Variants in THOP1 observed in about 807,000 individuals in gnomAD.
THOP1 encodes thimet oligopeptidase.
THOP1 carries 49 observed loss-of-function variants against 71.8 expected under a neutral mutation model. The observed-to-expected ratio is 0.68, with a 90% CI of 0.54 to 0.87. The LOEUF is 0.87. THOP1 is among the 40% of genes least tolerant of loss of function. The pLI is 0.00. For synonymous variants in THOP1, 426 were observed against 421.5 expected (o/e 1.01, Z -0.13); for missense variants, 843 against 975.6 (o/e 0.86, Z 1.81).
chr19:2,807,077 G>A (rs1195910000), intron 7 of THOP1, 25 bp downstream of exon 7: 1 of 1,597,230 alleles, frequency 6.3e-7, no homozygotes, highest in Admixed American at 1.8e-5. Context: ...CTCCTCCACT[G>A]GGGTCCCTGT....
chr19:2,809,058 G>A (rs146221142), intron 9 of THOP1, among the ~76,000 whole-genome samples: 6 of 152,314 alleles, frequency 3.9e-5, no homozygotes, highest in Admixed American at 6.5e-5. Flanking sequence ...GTCAGCAATC[G>A]CTCCTCAGAA....
intron 12 of THOP1, 177 bp downstream of exon 12, chr19:2,811,911 G>A: frequency 2.9e-6 from 4 of 1,363,126 alleles, no homozygotes; most frequent in Non-Finnish European, 3.9e-6. Flanking sequence ...AGCAGGGTGG[G>A]GCCGAGAAAA....
At chr19:2,807,376 C>T in intron 7 of THOP1, 66 bp from the exon 8 acceptor site, 11 of 1,489,866 alleles carry the variant, frequency 7.4e-6, no homozygotes, top group South Asian at 1.4e-5. Context: ...CGGCCGCGGG[C>T]GGGCGAGCCC....
intron 1 of THOP1, 41 bp from the exon 2 acceptor site, chr19:2,790,380 G>A (rs369250913): frequency 1.1e-5 from 17 of 1,485,818 alleles, no homozygotes; most frequent in African/African-American, 8.5e-5. Context: ...TAACTGAACC[G>A]AAAGCAGACC....
Position 2,804,705 on chromosome 19 carries a change from T to G in THOP1, c.590-311T>G. 3 of 258,154 alleles carry G rather than the reference T, an allele frequency of 1.2e-5. No individual in the cohort carries two copies. Among genetic ancestry groups the G allele is most frequent in the Non-Finnish European group, 1.5e-5 (2 of 136,142 alleles). The allele number at this position is 258,154 out of a possible 1,614,324, so 16.0% of individuals were successfully genotyped here. ...CACGATGTCCGGGGGTTGGGCTGGA[T>G]TTAGCTTTAACCTCTCTGGGGCAGG... On this transcript the variant is annotated intron_variant, in intron 5 of 12. Transcript: ENST00000307741. This position sits in a 1 kb window ranked among gnomAD's most constrained non-coding sequence, Gnocchi z 4.7.
rs776599140 is a variant in THOP1, at chr19:2,805,190, G to A, written c.750+14G>A. On this transcript the variant is annotated intron_variant, in intron 6 of 12. Coordinates refer to ENST00000307741, the MANE Select transcript of THOP1 (RefSeq NM_003249.5). The surrounding 1 kb of genome is among the most constrained non-coding windows in gnomAD (Gnocchi z 6.6). Reference sequence around the variant, plus strand: ...CGGTGCAAGGAGGTGAGAAGGCACGGCCAGGGGGCCCCAGAACAGTGGGTC... The same window carrying A: ...CGGTGCAAGGAGGTGAGAAGGCACGACCAGGGGGCCCCAGAACAGTGGGTC... 6.2e-7 allele frequency: 1 copy of A among 1,606,042 alleles called. No homozygotes were observed. The highest frequency in any genetic ancestry group is 2.2e-5 in the East Asian group (1 of 44,794).
At chr19:2,813,068 TCCTC>T in intron 12 of THOP1, 43 bp from the exon 13 acceptor site, 1 of 1,557,416 alleles carries the variant, frequency 6.4e-7, no homozygotes, top group Non-Finnish European at 8.7e-7. Flanking sequence ...TCCTCTGCCT[TCCTC>T]CCTGGGTCCC....
intron 5 of THOP1, among the ~76,000 whole-genome samples, chr19:2,800,136 T>C (rs73522789): frequency 0.026 from 3,908 of 152,318 alleles, 147 homozygotes; most frequent in African/African-American, 0.088. Context: ...GAACCACAAT[T>C]TTCCCTTGAG....
chr19:2,815,248 G>A lies in THOP1; in HGVS notation c.*1972G>A, dbSNP rs1428656827. On this transcript the variant is annotated 3_prime_UTR_variant, in exon 13 of 13. Coordinates refer to ENST00000307741, the MANE Select transcript of THOP1 (RefSeq NM_003249.5). The stretch of plus-strand genomic sequence containing the variant: ...GCAAGAGCACCCCAGCTGGGCCCTG[G>A]GCCATCACAGCCTTGTCACACACAC... 2 of 152,290 alleles carry A rather than the reference G, an allele frequency of 1.3e-5. No homozygotes were observed. The highest frequency in any genetic ancestry group is 3.9e-4 in the East Asian group (2 of 5,178). 9.4% of individuals were successfully genotyped at this position (152,290 alleles called of 1,614,324 possible).
At chr19:2,793,195 A>C (rs896808504) in intron 2 of THOP1, among the ~76,000 whole-genome samples, 3 of 152,108 alleles carry the variant, frequency 2.0e-5, no homozygotes, top group South Asian at 4.2e-4. Flanking sequence ...AACAAAAAAA[A>C]ACCCACACAC....
chr19:2,788,341 G>T (rs767642389), intron 1 of THOP1, among the ~76,000 whole-genome samples: 1 of 152,174 alleles, frequency 6.6e-6, no homozygotes, highest in African/African-American at 2.4e-5. Flanking sequence ...GCCTGCCCCA[G>T]CCTTTGTAAA....
intron 5 of THOP1, among the ~76,000 whole-genome samples, chr19:2,803,289 T>C (rs1182232268): frequency 6.6e-6 from 1 of 152,182 alleles, no homozygotes; most frequent in African/African-American, 2.4e-5. Flanking sequence ...CACACTCTTC[T>C]ATTCTGTGTC....
intron 1 of THOP1, among the ~76,000 whole-genome samples, chr19:2,788,570 C>T (rs1437154451): frequency 6.6e-6 from 1 of 152,192 alleles, no homozygotes; most frequent in African/African-American, 2.4e-5. Context: ...CCTCCACCTC[C>T]CAGGTCCAAG....
At chr19:2,803,458 A>G (rs538049080) in intron 5 of THOP1, among the ~76,000 whole-genome samples, 2 of 152,324 alleles carry the variant, frequency 1.3e-5, no homozygotes, top group African/African-American at 4.8e-5. Flanking sequence ...AGCCTGGGCA[A>G]CAGAGCAAGA....
chr19:2,807,794 G>A lies in THOP1; in HGVS notation c.1239G>A (p.Leu413=), dbSNP rs759228268. 2.6e-6 allele frequency: 4 copies of A among 1,511,540 alleles called. No individual in the cohort carries two copies. Among genetic ancestry groups the A allele is most frequent in the South Asian group, 2.6e-5 (2 of 76,496 alleles). 93.6% of individuals were successfully genotyped at this position (1,511,540 alleles called of 1,614,324 possible). Reference sequence around the variant, plus strand: ...GGGAGGTGGTCGGCAAGTTCTACCTGGACCTGTACCCGCGGTGGGTGAGGG... The same window carrying A: ...GGGAGGTGGTCGGCAAGTTCTACCTAGACCTGTACCCGCGGTGGGTGAGGG... ...ASGEVVGKFY[L]DLYPREGKYG... is the part of the protein sequence containing the mutation. The change falls in exon 8 of 13, where the codon CTG becomes CTA. Residue 413 remains leucine, a synonymous_variant. Coordinates refer to ENST00000307741, the MANE Select transcript of THOP1 (RefSeq NM_003249.5).
rs1431792193 is a variant in THOP1 at position 2,810,192 on chromosome 19, G to A, written c.1456-112G>A. The A allele has an allele frequency of 4.6e-5, 62 of 1,333,428 alleles. 1 individual carries two copies. The highest frequency in any genetic ancestry group is 5.9e-5 in the Non-Finnish European group (58 of 990,600). The allele number at this position is 1,333,428 out of a possible 1,614,324, so 82.6% of individuals were successfully genotyped here. A position where few individuals can be genotyped will look rare whatever the true frequency, so the allele number is the denominator to read the frequency against. ...TTGGGGTGGGAGGGCCGGGCCCAGC[G>A]CATCACCTGTGCACTCGCCCTGTTT... On this transcript the variant is annotated intron_variant, in intron 9 of 12. Transcript: ENST00000307741.
intron 12 of THOP1, 94 bp from the exon 13 acceptor site, chr19:2,813,021 G>C (rs557768648): frequency 6.9e-7 from 1 of 1,438,926 alleles, no homozygotes; most frequent in East Asian, 2.5e-5. Flanking sequence ...GGGTTGCTCC[G>C]AGGCCCCCCT....
At chr19:2,798,060 ACT>A (rs987326085) in intron 4 of THOP1, among the ~76,000 whole-genome samples, 1 of 151,890 alleles carries the variant, frequency 6.6e-6, no homozygotes. Flanking sequence ...AGGGAGTCAC[ACT>A]CTGTCTCCCA....
intron 12 of THOP1, chr19:2,812,090 A>T: frequency 1.5e-6 from 2 of 1,329,080 alleles, no homozygotes; most frequent in Non-Finnish European, 2.0e-6. Flanking sequence ...GTCTTCCCAT[A>T]CGAGTCCTTC....
Sources: allele counts gnomAD v4.1 joint callset (sites outside exome capture counted in the v4.1 genomes callset), GRCh38; gene constraint gnomAD v4.1.1; non-coding constraint Gnocchi (gnomAD v3.1); transcripts MANE v1.5; gene names NCBI Gene and HGNC (gene_info 2026-07-23, HGNC 2026-07-21).